The following EYS variants were observed in gnomAD, a reference collection of about 807,000 sequenced individuals.
EYS encodes the protein protein eyes shut homolog.
Under a neutral mutation model 282.1 loss-of-function variants are expected in EYS, and 250 were observed. The ratio of observed to expected loss-of-function variants is 0.89; its 90% CI spans 0.80 to 0.98. The LOEUF (loss-of-function observed/expected upper bound fraction) is 0.98. Among genes scored for constraint, EYS ranks in the 50% least tolerant of loss-of-function variants. The pLI is 0.00. For synonymous variants in EYS, 1,355 were observed against 1,282.9 expected, an observed-to-expected ratio of 1.06 and a Z score of -1.20; for missense variants, 4,016 against 3,709.0, an observed-to-expected ratio of 1.08 and a Z score of -2.15.
rs1297716653 is a variant in EYS at position 65,330,081 on chromosome 6, T to A, written c.1766+4899A>T. ...TCAAGCAACTTGTATGTTCAGAAAG[T>A]GAAAAAAATAATTACTTTAGTACTT... On this transcript the variant is annotated intron_variant, in intron 11 of 42. Coordinates refer to ENST00000503581, the MANE Select transcript of EYS (RefSeq NM_001142800.2). 5.1e-6 allele frequency: 5 copies of A among 983,248 alleles called. No individual in the cohort carries two copies. The Admixed American group carries it at 3.1e-4, about 61-fold the overall frequency. The allele number at this position is 983,248 out of a possible 1,614,324, so 60.9% of individuals were successfully genotyped here.
intron 11 of EYS, chr6:65,301,027 T>C (rs1768806403): frequency 6.6e-6 from 1 of 152,202 alleles, no homozygotes; most frequent in Admixed American, 6.5e-5. Context: ...AGCTTTACCA[T>C]GGTCCCACCC....
chr6:65,339,963 G>A (rs555450999), intron 10 of EYS, among the ~76,000 whole-genome samples: 4 of 151,270 alleles, frequency 2.6e-5, no homozygotes, highest in East Asian at 2.0e-4. Flanking sequence ...GCAGGGGCCT[G>A]TAGGCAATAA....
At chr6:65,316,372 T>G (rs542572158) in intron 11 of EYS, among the ~76,000 whole-genome samples, 2 of 152,182 alleles carry the variant, frequency 1.3e-5, no homozygotes, top group South Asian at 4.1e-4. Context: ...TCTAATTGAT[T>G]TATTATTTTC....
In EYS at chr6:65,250,329, TA is replaced by T. The variant is rs958958951; in HGVS notation, c.2023+45533del. On this transcript the variant is annotated intron_variant, in intron 12 of 42. Coordinates refer to ENST00000503581, the MANE Select transcript of EYS (RefSeq NM_001142800.2). ...ATTTTTCTATTTAAGTTCATTTGGC[TA>T]AAAAAAAATAAGTCTAGGTTATACC... is the stretch of plus-strand genomic sequence containing the variant. Among the ~76,000 whole-genome samples, 6 of 150,780 alleles carry T rather than the reference TA, an allele frequency of 4.0e-5. No homozygotes were observed. In the East Asian group the frequency reaches 5.8e-4, roughly 15 times the overall value.
chr6:65,583,237 T>C (rs115572648), intron 2 of EYS, among the ~76,000 whole-genome samples: 2,086 of 152,142 alleles, frequency 0.014, 37 homozygotes, highest in African/African-American at 0.034. Flanking sequence ...AGGGCTCAAG[T>C]ATACTTATTT....
chr6:64,074,688 G>A (rs1260115291), intron 32 of EYS, among the ~76,000 whole-genome samples: 1 of 151,792 alleles, frequency 6.6e-6, no homozygotes, highest in Non-Finnish European at 1.5e-5. Context: ...AGTTATAAGT[G>A]CAGATAAAGC....
intron 30 of EYS, among the ~76,000 whole-genome samples, chr6:64,246,818 A>G (rs1187327108): frequency 1.3e-5 from 2 of 152,190 alleles, no homozygotes; most frequent in Admixed American, 6.5e-5. Context: ...AGTGAACTCT[A>G]TAGTATGGGT....
intron 1 of EYS, among the ~76,000 whole-genome samples, chr6:65,651,301 G>A (rs1015778142): frequency 6.6e-6 from 1 of 151,866 alleles, no homozygotes; most frequent in Non-Finnish European, 1.5e-5. Context: ...CAGAAGAATG[G>A]TCTAAAATAT....
At position 64,464,735 on chromosome 6, in the gene EYS, A is replaced by G. The variant is rs189380441; in HGVS notation, c.5645-25383T>C. Among the ~76,000 whole-genome samples, 9 of 152,194 alleles carry G rather than the reference A, an allele frequency of 5.9e-5. No homozygotes were observed. The East Asian group carries it at 1.5e-3, about 26-fold the overall frequency. ...TTATAAAGAGAACAGATTATTATTG[A>G]ACTTATACAAATAACTACATTGCTA... is the stretch of plus-strand genomic sequence containing the variant. On this transcript the variant is annotated intron_variant, in intron 26 of 42. Coordinates refer to ENST00000503581, the MANE Select transcript of EYS (RefSeq NM_001142800.2).
At chr6:65,356,229 C>G (rs1263768802) in intron 8 of EYS, among the ~76,000 whole-genome samples, 1 of 151,946 alleles carries the variant, frequency 6.6e-6, no homozygotes, top group Admixed American at 6.6e-5. Flanking sequence ...ACAACAAAAA[C>G]TAAGTTCGAA....
At chr6:64,376,251 T>C (rs1427511913) in intron 29 of EYS, among the ~76,000 whole-genome samples, 2 of 152,224 alleles carry the variant, frequency 1.3e-5, no homozygotes, top group Non-Finnish European at 2.9e-5. Context: ...AAACCTTCCT[T>C]GAGGAATTGG....
At chr6:65,651,487 T>A (rs1379787620) in intron 1 of EYS, among the ~76,000 whole-genome samples, 1 of 151,984 alleles carries the variant, frequency 6.6e-6, no homozygotes, top group Non-Finnish European at 1.5e-5. Context: ...TTTCTTTGAG[T>A]CCTAGGTTTA....
chr6:64,633,144 A>G (rs1283999949), intron 22 of EYS, among the ~76,000 whole-genome samples: 3 of 152,176 alleles, frequency 2.0e-5, no homozygotes, highest in African/African-American at 7.2e-5. Flanking sequence ...ACAGATTAAG[A>G]GGAGTTATTC....
intron 22 of EYS, among the ~76,000 whole-genome samples, chr6:64,697,953 CA>C (rs201542769): frequency 0.039 from 5,924 of 150,526 alleles, 400 homozygotes; most frequent in African/African-American, 0.14. Context: ...AACAAACAAA[CA>C]AAAAAAAGCA....
chr6:64,490,979 A>G (rs2150505793), intron 26 of EYS, among the ~76,000 whole-genome samples: 1 of 150,952 alleles, frequency 6.6e-6, no homozygotes, highest in Admixed American at 6.6e-5. Context: ...GAAAATTTTA[A>G]GTTTTAAAAA....
At chr6:64,219,717 A>T (rs1456492872) in intron 31 of EYS, among the ~76,000 whole-genome samples, 1 of 152,192 alleles carries the variant, frequency 6.6e-6, no homozygotes, top group Non-Finnish European at 1.5e-5. Flanking sequence ...CTTTTGAATG[A>T]TCGCCATTGC....
At chr6:63,820,294 G>A (rs1010858215) in intron 36 of EYS, among the ~76,000 whole-genome samples, 2 of 152,040 alleles carry the variant, frequency 1.3e-5, no homozygotes, top group Non-Finnish European at 2.9e-5. Context: ...CTGTTCATAT[G>A]CTTTACTTAT....
chr6:65,573,791 C>A (rs188147566), intron 2 of EYS, among the ~76,000 whole-genome samples: 1 of 122,718 alleles, frequency 8.1e-6, no homozygotes, highest in African/African-American at 3.2e-5. Flanking sequence ...TCTGAAGCTG[C>A]TCTAAACCTG....
At chr6:64,095,830 A>G (rs1175235107) in intron 31 of EYS, among the ~76,000 whole-genome samples, 1 of 152,080 alleles carries the variant, frequency 6.6e-6, no homozygotes, top group Admixed American at 6.5e-5. Context: ...TCATTAGTTG[A>G]TGCAGTTTCT....
Sources: allele counts gnomAD v4.1 joint callset (sites outside exome capture counted in the v4.1 genomes callset), GRCh38; gene constraint gnomAD v4.1.1; transcripts MANE v1.5; gene names NCBI Gene and HGNC (gene_info 2026-07-23, HGNC 2026-07-21).